SGCZ: variants seen among roughly 807,000 people sequenced by gnomAD.
The protein encoded by SGCZ is sarcoglycan zeta, also known as zeta-sarcoglycan.
Under a neutral mutation model 41.3 loss-of-function variants are expected in SGCZ, and 40 were observed. The ratio of observed to expected loss-of-function variants is 0.97; its 90% confidence interval spans 0.75 to 1.26. The LOEUF (loss-of-function observed/expected upper bound fraction) is 1.26. Ranked by LOEUF, SGCZ falls within the 50% of genes most tolerant of loss-of-function variation. The probability of loss-of-function intolerance (pLI) is 0.00; values close to 1 mark genes in which losing one functional copy is unlikely to be tolerated. For synonymous variants in SGCZ, 206 were observed against 137.5 expected, an observed-to-expected ratio of 1.50 and a Z score of -3.49; for missense variants, 552 against 369.8, an observed-to-expected ratio of 1.49 and a Z score of -4.04.
chr8:14,669,734 T>C (rs1808042929), intron 1 of SGCZ, among the ~76,000 whole-genome samples: 1 of 150,422 alleles, frequency 6.6e-6, no homozygotes, highest in African/African-American at 2.5e-5. Context: ...ACACACACAA[T>C]ATTTTGTTCA....
rs149359608 is a variant in SGCZ at position 14,715,694 on chromosome 8, G to C, written c.40-160768C>G. 5.1e-3 allele frequency among the ~76,000 whole-genome samples: 772 copies of C among 152,140 alleles called. 4 individuals are homozygous for C. Among genetic ancestry groups the C allele is most frequent in the South Asian group, 0.02 (95 of 4,814 alleles). ...CTTTAATAACTTAAAAAAGCTCTAG[G>C]CAGAAAATTTAGATTAACGTCAACC... On this transcript the variant is annotated intron_variant, in intron 1 of 7. Coordinates refer to ENST00000382080, the MANE Select transcript of SGCZ (RefSeq NM_139167.4).
At chr8:14,370,961 C>T (rs1209007501) in intron 2 of SGCZ, among the ~76,000 whole-genome samples, 4 of 151,844 alleles carry the variant, frequency 2.6e-5, no homozygotes, top group African/African-American at 7.2e-5. Flanking sequence ...CACCTGCAGT[C>T]ACGAATATAT....
rs117222500 is a variant in SGCZ at position 14,967,567 on chromosome 8, A to T, written c.39+270018T>A. Among the ~76,000 whole-genome samples the T allele has an allele frequency of 3.8e-3, 575 of 152,276 alleles. 3 individuals are homozygous for T. Among genetic ancestry groups the T allele is most frequent in the Non-Finnish European group, 5.1e-3 (348 of 68,004 alleles). Reference sequence around the variant, plus strand: ...ATCAAGTTTTCTATCCTTCAAAGGCATCTCAAACTCGCCACGTCTGAAGCT... The same window carrying T: ...ATCAAGTTTTCTATCCTTCAAAGGCTTCTCAAACTCGCCACGTCTGAAGCT... On this transcript the variant is annotated intron_variant, in intron 1 of 7. Transcript: ENST00000382080.
At chr8:14,282,153 T>A (rs1309222764) in intron 3 of SGCZ, among the ~76,000 whole-genome samples, 2 of 152,126 alleles carry the variant, frequency 1.3e-5, no homozygotes, top group East Asian at 1.9e-4. Context: ...AAAGAAAACT[T>A]TTTATGACCT....
intron 3 of SGCZ, among the ~76,000 whole-genome samples, chr8:14,275,213 G>A (rs768292426): frequency 4.6e-5 from 7 of 152,046 alleles, no homozygotes; most frequent in Non-Finnish European, 8.8e-5. Flanking sequence ...TAATCAGTAT[G>A]GAAACGAAAT....
chr8:14,564,257 G>T (rs949587585), intron 1 of SGCZ, among the ~76,000 whole-genome samples: 1 of 152,188 alleles, frequency 6.6e-6, no homozygotes, highest in African/African-American at 2.4e-5. Flanking sequence ...CTTACTGGGA[G>T]TGTTGATATT....
At chr8:15,219,972 A>G (rs1270688339) in intron 1 of SGCZ, among the ~76,000 whole-genome samples, 2 of 152,242 alleles carry the variant, frequency 1.3e-5, no homozygotes, top group East Asian at 1.9e-4. Context: ...GCAGATACTC[A>G]TTTGTTAAAC....
chr8:14,899,974 A>C (rs1380438498), intron 1 of SGCZ, among the ~76,000 whole-genome samples: 1 of 152,080 alleles, frequency 6.6e-6, no homozygotes, highest in Non-Finnish European at 1.5e-5. Context: ...TGCTGTGAAA[A>C]GGTTTAACGT....
At chr8:14,551,525 ATAT>A (rs1803837126) in intron 2 of SGCZ, among the ~76,000 whole-genome samples, 2 of 6,120 alleles carry the variant, frequency 3.3e-4, no homozygotes, top group East Asian at 8.2e-3. Context: ...ATTATATATA[ATAT>A]ATATAATATA....
intron 1 of SGCZ, among the ~76,000 whole-genome samples, chr8:14,574,440 CATAA>C (rs948812828): frequency 9.2e-5 from 14 of 152,220 alleles, no homozygotes; most frequent in African/African-American, 2.9e-4. Flanking sequence ...GTAAGCTGGC[CATAA>C]ATAAATAAAG....
chr8:14,653,017 A>C (rs915328611), intron 1 of SGCZ, among the ~76,000 whole-genome samples: 3 of 152,172 alleles, frequency 2.0e-5, no homozygotes, highest in African/African-American at 4.8e-5. Flanking sequence ...AATATCATAA[A>C]TTATGAAAGA....
intron 2 of SGCZ, among the ~76,000 whole-genome samples, chr8:14,425,218 C>G (rs1251662694): frequency 1.3e-5 from 2 of 152,176 alleles, no homozygotes; most frequent in Admixed American, 1.3e-4. Flanking sequence ...AGTTACAGTT[C>G]AGGGTTTCTC....
chr8:14,182,771 G>A (rs1804771763), intron 4 of SGCZ, among the ~76,000 whole-genome samples: 1 of 152,074 alleles, frequency 6.6e-6, no homozygotes, highest in African/African-American at 2.4e-5. Flanking sequence ...CACTTTGGGA[G>A]GCCGAGAGGG....
rs190321287 is a variant in SGCZ, at chr8:14,507,386, T to C, written c.234+47346A>G. 4.5e-3 allele frequency among the ~76,000 whole-genome samples: 683 copies of C among 152,240 alleles called. 8 individuals are homozygous for C. Among genetic ancestry groups the C allele is most frequent in the African/African-American group, 0.016 (650 of 41,540 alleles). ...TTAAAATCTTCTAATACATCCCTTT[T>C]CTTTCTCCTCCATCCACTGAAGTCT... is the stretch of plus-strand genomic sequence containing the variant. On this transcript the variant is annotated intron_variant, in intron 2 of 7. Transcript: ENST00000382080.
intron 1 of SGCZ, among the ~76,000 whole-genome samples, chr8:14,676,013 T>C (rs1207526138): frequency 6.6e-6 from 1 of 152,142 alleles, no homozygotes; most frequent in Non-Finnish European, 1.5e-5. Flanking sequence ...TACTGTTAGG[T>C]GCACGTATTT....
At chr8:14,183,687 C>T (rs1804807928) in intron 4 of SGCZ, among the ~76,000 whole-genome samples, 1 of 152,116 alleles carries the variant, frequency 6.6e-6, no homozygotes, top group African/African-American at 2.4e-5. Context: ...GCCAGCTTAA[C>T]CTCTAATCTA....
At chr8:15,133,902 T>G (rs907672393) in intron 1 of SGCZ, among the ~76,000 whole-genome samples, 6 of 152,194 alleles carry the variant, frequency 3.9e-5, no homozygotes, top group African/African-American at 7.2e-5. Context: ...GGAAGTCTAT[T>G]TTTCTTAGTA....
rs144232475 is a variant in SGCZ, at chr8:14,341,629, A to T, written c.235-17425T>A. ...TGGCTGTGTCCCCTCCCAAATCTCA[A>T]CTTGAATTGTATCTCCCAGAATTCC... is the stretch of plus-strand genomic sequence containing the variant. On this transcript the variant is annotated intron_variant, in intron 2 of 7. Transcript: ENST00000382080. Among the ~76,000 whole-genome samples, 13 of 152,226 alleles carry T rather than the reference A, an allele frequency of 8.5e-5. No homozygotes were observed. In the East Asian group the frequency reaches 2.5e-3, roughly 29 times the overall value.
intron 2 of SGCZ, among the ~76,000 whole-genome samples, chr8:14,391,113 T>C (rs1440705049): frequency 1.4e-4 from 22 of 152,094 alleles, no homozygotes; most frequent in Admixed American, 1.4e-3. Flanking sequence ...CCAACCCAAT[T>C]ACATATGTCC....
Sources: allele counts gnomAD v4.1 joint callset (sites outside exome capture counted in the v4.1 genomes callset), GRCh38; gene constraint gnomAD v4.1.1; transcripts MANE v1.5; gene names NCBI Gene and HGNC (gene_info 2026-07-23, HGNC 2026-07-21).